TBC1D5: variants seen among roughly 807,000 people sequenced by gnomAD.
The protein encoded by TBC1D5 is TBC1 domain family member 5.
Under a neutral mutation model 100.3 loss-of-function variants are expected in TBC1D5, and 75 were observed. That is an observed-to-expected ratio of 0.75 (90% CI 0.62 to 0.91). The LOEUF (loss-of-function observed/expected upper bound fraction) is 0.91, where lower values mean the gene tolerates loss of function less well. Among genes scored for constraint, TBC1D5 ranks in the 40% least tolerant of loss-of-function variants. The pLI, the probability that TBC1D5 is intolerant of heterozygous loss-of-function variation, is 0.00. For synonymous variants in TBC1D5, 323 were observed against 325.6 expected (o/e 0.99, Z 0.09); for missense variants, 910 against 942.4 (o/e 0.97, Z 0.45).
At chr3:17,266,660 C>A (rs1313292186) in intron 15 of TBC1D5, among the ~76,000 whole-genome samples, 1 of 152,008 alleles carries the variant, frequency 6.6e-6, no homozygotes, top group African/African-American at 2.4e-5. Flanking sequence ...GAATACAATG[C>A]ATCCATCAAA....
chr3:17,653,965 A>T (rs1276450636), intron 1 of TBC1D5, among the ~76,000 whole-genome samples: 1 of 152,194 alleles, frequency 6.6e-6, no homozygotes, highest in Admixed American at 6.5e-5. Context: ...GCAAGAAATA[A>T]TTCACAAAAT....
chr3:17,601,122 T>C (rs2060908668), intron 2 of TBC1D5, among the ~76,000 whole-genome samples: 1 of 152,208 alleles, frequency 6.6e-6, no homozygotes, highest in African/African-American at 2.4e-5. Context: ...TCACCTATTC[T>C]AAAACTGTTG....
At position 17,667,812 on chromosome 3, in the gene TBC1D5, C is replaced by G. The variant is rs114009332; in HGVS notation, c.-100-43899G>C. ...TTTATAACAAGTATTAAGTTTTTGT[C>G]TTTCAAAAGACAAAACCTTTTTGTG... is the stretch of plus-strand genomic sequence containing the variant. On this transcript the variant is annotated intron_variant, in intron 1 of 21. Transcript: ENST00000253692. Among the ~76,000 whole-genome samples, 1,361 of 151,970 alleles carry G rather than the reference C, an allele frequency of 9.0e-3. 10 individuals are homozygous for G. Among genetic ancestry groups the G allele is most frequent in the Non-Finnish European group, 0.015 (1,035 of 67,952 alleles).
intron 19 of TBC1D5, among the ~76,000 whole-genome samples, chr3:17,173,575 G>A (rs902298933): frequency 9.9e-5 from 15 of 152,122 alleles, no homozygotes; most frequent in Admixed American, 3.3e-4. Flanking sequence ...GAAGGTTGCT[G>A]AGAGGATTAG....
chr3:17,167,792 T>C, exon 20 of TBC1D5: 1 of 1,612,318 alleles, frequency 6.2e-7, no homozygotes, highest in Non-Finnish European at 8.5e-7. Flanking sequence ...ATCTTCTTTT[T>C]CCAAATTTTC....
intron 1 of TBC1D5, among the ~76,000 whole-genome samples, chr3:17,728,629 A>G (rs1226756880): frequency 6.6e-6 from 1 of 152,218 alleles, no homozygotes; most frequent in African/African-American, 2.4e-5. Flanking sequence ...ATCTGTGGAA[A>G]AAAGGTAACT....
intron 8 of TBC1D5, among the ~76,000 whole-genome samples, chr3:17,385,237 T>C (rs904826944): frequency 3.3e-5 from 5 of 152,014 alleles, no homozygotes; most frequent in African/African-American, 9.7e-5. Flanking sequence ...ATTATTATAA[T>C]AGTATTTGAG....
intron 13 of TBC1D5, among the ~76,000 whole-genome samples, chr3:17,343,207 T>C (rs1276507153): frequency 6.6e-6 from 1 of 152,198 alleles, no homozygotes; most frequent in African/African-American, 2.4e-5. Flanking sequence ...AGGCCTTTTC[T>C]GCATCTATTG....
At chr3:17,365,974 A>G (rs907566913) in intron 13 of TBC1D5, among the ~76,000 whole-genome samples, 1 of 152,112 alleles carries the variant, frequency 6.6e-6, no homozygotes, top group Non-Finnish European at 1.5e-5. Flanking sequence ...ACCTATTTCT[A>G]TGTGTTATTA....
At chr3:17,453,394 A>C (rs998104979) in intron 3 of TBC1D5, among the ~76,000 whole-genome samples, 1 of 152,134 alleles carries the variant, frequency 6.6e-6, no homozygotes, top group Non-Finnish European at 1.5e-5. Flanking sequence ...AAACGATAAA[A>C]TTGACAAACC....
At chr3:17,621,967 G>A (rs113722283) in intron 2 of TBC1D5, among the ~76,000 whole-genome samples, 3 of 152,250 alleles carry the variant, frequency 2.0e-5, no homozygotes, top group African/African-American at 4.8e-5. Flanking sequence ...AGAACAGTCA[G>A]TTTTCTTCCT....
chr3:17,383,880 C>T (rs780670239), intron 9 of TBC1D5, 33 bp downstream of exon 9: 1 of 1,539,058 alleles, frequency 6.5e-7, no homozygotes, highest in Non-Finnish European at 8.9e-7. Context: ...AATTTTGAGT[C>T]AATGGATGCC....
At chr3:17,176,959 GC>G (rs2067821900) in intron 19 of TBC1D5, among the ~76,000 whole-genome samples, 1 of 152,140 alleles carries the variant, frequency 6.6e-6, no homozygotes, top group African/African-American at 2.4e-5. Context: ...GTGCTACAAC[GC>G]CAAGGCAGCC....
chr3:17,331,498 C>T (rs924903490), intron 13 of TBC1D5, among the ~76,000 whole-genome samples: 1 of 152,134 alleles, frequency 6.6e-6, no homozygotes, highest in African/African-American at 2.4e-5. Flanking sequence ...TTACTAAATA[C>T]CCAATGACTG....
chr3:17,646,705 T>C (rs1291430600), intron 1 of TBC1D5, among the ~76,000 whole-genome samples: 1 of 152,140 alleles, frequency 6.6e-6, no homozygotes, highest in Non-Finnish European at 1.5e-5. Flanking sequence ...GGACTGTTTC[T>C]AAAATGCTAA....
intron 2 of TBC1D5, among the ~76,000 whole-genome samples, chr3:17,515,413 G>A (rs1237572347): frequency 6.6e-6 from 1 of 152,124 alleles, no homozygotes; most frequent in Non-Finnish European, 1.5e-5. Flanking sequence ...AACAACAGCA[G>A]CAAACACATA....
intron 1 of TBC1D5, among the ~76,000 whole-genome samples, chr3:17,684,190 G>T (rs1436243199): frequency 6.6e-6 from 1 of 151,742 alleles, no homozygotes; most frequent in Non-Finnish European, 1.5e-5. Context: ...CTCCAGAAAA[G>T]ACACAGATAT....
At chr3:17,453,755 T>C (rs2094984101) in intron 3 of TBC1D5, among the ~76,000 whole-genome samples, 1 of 152,144 alleles carries the variant, frequency 6.6e-6, no homozygotes, top group African/African-American at 2.4e-5. Context: ...AAGGGGATAC[T>C]TCCAAACTAA....
intron 13 of TBC1D5, among the ~76,000 whole-genome samples, chr3:17,345,934 G>T (rs555239053): frequency 6.6e-5 from 10 of 151,812 alleles, no homozygotes; most frequent in Admixed American, 5.2e-4. Flanking sequence ...TGGGGAGAGG[G>T]GGGAGGGATA....
Sources: gnomAD v4.1 joint callset for allele counts (sites outside exome capture counted in the v4.1 genomes callset) on GRCh38, gnomAD v4.1.1 for gene constraint, MANE v1.5 for transcripts, NCBI Gene and HGNC (gene_info 2026-07-23, HGNC 2026-07-21) for gene names.